Variants in MICU1 observed in about 807,000 individuals in gnomAD.
MICU1 encodes the protein mitochondrial calcium uptake 1.
MICU1 carries 45 observed loss-of-function variants against 56.8 expected under a neutral mutation model. The observed-to-expected ratio is 0.79, with a 90% confidence interval of 0.62 to 1.02. The LOEUF (loss-of-function observed/expected upper bound fraction) is 1.02, where lower values mean the gene tolerates loss of function less well. MICU1 is among the 50% of genes least tolerant of loss of function. The pLI is 0.00. For missense variants in MICU1, 504 were observed against 587.1 expected, an observed-to-expected ratio of 0.86 and a Z score of 1.46; for synonymous variants, 186 against 195.1, an observed-to-expected ratio of 0.95 and a Z score of 0.39.
intron 1 of MICU1, among the ~76,000 whole-genome samples, chr10:72,580,222 T>C (rs575217778): frequency 1.3e-5 from 2 of 152,288 alleles, no homozygotes; most frequent in East Asian, 1.9e-4. Flanking sequence ...AAGTGGGACA[T>C]TGTTTTCAAT....
chr10:72,535,385 A>C (rs1314376615), intron 4 of MICU1, among the ~76,000 whole-genome samples: 1 of 152,144 alleles, frequency 6.6e-6, no homozygotes, highest in African/African-American at 2.4e-5. Flanking sequence ...GTAACCTCCC[A>C]AACTACTGCC....
intron 2 of MICU1, among the ~76,000 whole-genome samples, chr10:72,565,327 G>A (rs1203752327): frequency 6.6e-5 from 10 of 151,868 alleles, no homozygotes; most frequent in Non-Finnish European, 8.8e-5. Flanking sequence ...TGATGAGTTC[G>A]TGTCTTTTGT....
chr10:72,533,931 G>C (rs1056525123), intron 4 of MICU1, 142 bp from the exon 5 acceptor site: 3 of 596,508 alleles, frequency 5.0e-6, no homozygotes, highest in Non-Finnish European at 8.6e-6. Flanking sequence ...TGAATATTTT[G>C]CCCCACTTTC....
chr10:72,439,917 G>T (rs1301613304), intron 8 of MICU1, among the ~76,000 whole-genome samples: 4 of 152,134 alleles, frequency 2.6e-5, no homozygotes, highest in African/African-American at 9.7e-5. Context: ...ACAAATGGAA[G>T]AACATTCCAT....
chr10:72,580,856 T>C (rs1840881384), intron 1 of MICU1, among the ~76,000 whole-genome samples: 1 of 152,190 alleles, frequency 6.6e-6, no homozygotes, highest in Non-Finnish European at 1.5e-5. Context: ...TGGAAAACAA[T>C]GATTTAATCT....
intron 1 of MICU1, among the ~76,000 whole-genome samples, chr10:72,602,549 C>A (rs1054669391): frequency 2.6e-5 from 4 of 152,050 alleles, no homozygotes; most frequent in Admixed American, 1.3e-4. Context: ...ATACAATACG[C>A]TTTGTCTGTA....
chr10:72,556,633 C>G (rs573282514), intron 3 of MICU1, among the ~76,000 whole-genome samples: 5 of 152,212 alleles, frequency 3.3e-5, no homozygotes, highest in Non-Finnish European at 5.9e-5. Flanking sequence ...GCCACTGCAT[C>G]CAGCCCCATA....
intron 1 of MICU1, among the ~76,000 whole-genome samples, chr10:72,568,598 G>A (rs1423994878): frequency 6.6e-6 from 1 of 152,102 alleles, no homozygotes; most frequent in Non-Finnish European, 1.5e-5. Context: ...GTCAAGCCCA[G>A]CTGAGCCAGC....
At chr10:72,517,796 T>A (rs7906973) in intron 5 of MICU1, among the ~76,000 whole-genome samples, 24,626 of 142,310 alleles carry the variant, frequency 0.17, 6,629 homozygotes, top group African/African-American at 0.57. Context: ...TTTTTTTTTT[T>A]AAAGAAAATG....
At chr10:72,589,292 GA>G (rs756908942) in intron 1 of MICU1, among the ~76,000 whole-genome samples, 211 of 139,828 alleles carry the variant, frequency 1.5e-3, no homozygotes, top group South Asian at 0.014. Context: ...CCGTCTCAGG[GA>G]AAAAAAAAAA....
chr10:72,385,944 T>G (rs1351061468), intron 10 of MICU1, among the ~76,000 whole-genome samples: 1 of 152,232 alleles, frequency 6.6e-6, no homozygotes, highest in Non-Finnish European at 1.5e-5. Flanking sequence ...GAGCAATGAC[T>G]GGCCAACAGC....
At chr10:72,577,725 A>T (rs564247306) in intron 1 of MICU1, among the ~76,000 whole-genome samples, 233 of 152,320 alleles carry the variant, frequency 1.5e-3, no homozygotes, top group Non-Finnish European at 2.7e-3. Flanking sequence ...AATTAAAAAA[A>T]TTTTTTTTAA....
chr10:72,548,071 T>C (rs1799237171), intron 4 of MICU1, among the ~76,000 whole-genome samples: 1 of 152,164 alleles, frequency 6.6e-6, no homozygotes, highest in African/African-American at 2.4e-5. Context: ...GCCAACATGG[T>C]TGAGTATGTT....
At chr10:72,428,635 A>G (rs1311525755) in intron 8 of MICU1, among the ~76,000 whole-genome samples, 1 of 152,158 alleles carries the variant, frequency 6.6e-6, no homozygotes, top group East Asian at 1.9e-4. Context: ...AATGGTTTTT[A>G]AGAAAAAATT....
At chr10:72,375,253 A>G (rs1341095791) in intron 11 of MICU1, among the ~76,000 whole-genome samples, 1 of 152,196 alleles carries the variant, frequency 6.6e-6, no homozygotes, top group Non-Finnish European at 1.5e-5. Flanking sequence ...TGTTATTAGT[A>G]TATCAGCTAC....
chr10:72,401,757 T>C (rs1329579728), intron 10 of MICU1, among the ~76,000 whole-genome samples: 1 of 152,224 alleles, frequency 6.6e-6, no homozygotes, highest in Non-Finnish European at 1.5e-5. Flanking sequence ...AAATTTCAAG[T>C]GTACGATAGG....
chr10:72,610,486 C>G (rs1052682202), intron 1 of MICU1, among the ~76,000 whole-genome samples: 5 of 151,950 alleles, frequency 3.3e-5, no homozygotes, highest in Admixed American at 6.6e-5. Flanking sequence ...TTAACAAAAA[C>G]GAACAAGAGA....
intron 8 of MICU1, among the ~76,000 whole-genome samples, chr10:72,434,525 C>G (rs1156927731): frequency 1.3e-5 from 2 of 151,996 alleles, no homozygotes; most frequent in Non-Finnish European, 2.9e-5. Flanking sequence ...CATGAAAAAC[C>G]CTAGTCTTGT....
intron 8 of MICU1, among the ~76,000 whole-genome samples, chr10:72,430,976 TG>T (rs577052093): frequency 2.8e-3 from 434 of 152,342 alleles, no homozygotes; most frequent in African/African-American, 1.0e-2. Context: ...TTTTGCAATT[TG>T]TTTTTTTTAA....
Sources: gnomAD v4.1 joint callset for allele counts (sites outside exome capture counted in the v4.1 genomes callset) on GRCh38, gnomAD v4.1.1 for gene constraint, MANE v1.5 for transcripts, NCBI Gene and HGNC (gene_info 2026-07-23, HGNC 2026-07-21) for gene names.